CHEK2: variants seen among roughly 807,000 people sequenced by gnomAD.
CHEK2 encodes checkpoint kinase 2, also known as serine/threonine-protein kinase Chk2.
In CHEK2, 71 loss-of-function variants were observed where a neutral mutation model predicts 69.1. The observed-to-expected ratio is 1.03, with a 90% CI of 0.85 to 1.25. The LOEUF (loss-of-function observed/expected upper bound fraction) is 1.25, where lower values mean the gene tolerates loss of function less well. CHEK2 is among the 50% of genes most tolerant of loss of function. The probability of loss-of-function intolerance (pLI) is 0.00; values close to 1 mark genes in which losing one functional copy is unlikely to be tolerated. For synonymous variants in CHEK2, 189 were observed against 226.9 expected, an observed-to-expected ratio of 0.83 and a Z score of 1.50; for missense variants, 664 against 649.6, an observed-to-expected ratio of 1.02 and a Z score of -0.24.
At chr22:28,689,637 G>A (rs2052274124) in intron 13 of CHEK2, among the ~76,000 whole-genome samples, 1 of 152,152 alleles carries the variant, frequency 6.6e-6, no homozygotes, top group African/African-American at 2.4e-5. Flanking sequence ...CACCCAGACT[G>A]TCCTAACAAC....
intron 2 of CHEK2, among the ~76,000 whole-genome samples, chr22:28,725,908 C>CAA (rs34005683): frequency 9.0e-4 from 129 of 142,830 alleles, no homozygotes; most frequent in Middle Eastern, 3.6e-3. Context: ...GACCCAGTTT[C>CAA]AAAAAAAAAA....
intron 1 of CHEK2, among the ~76,000 whole-genome samples, chr22:28,740,953 C>T (rs1258368972): frequency 3.3e-5 from 5 of 151,872 alleles, no homozygotes; most frequent in Non-Finnish European, 7.4e-5. Flanking sequence ...GTCAGGAGTT[C>T]GGGATCAGCC....
Position 28,695,738 on chromosome 22 carries a change from A to T in CHEK2, c.1231T>A (p.Trp411Arg), listed in dbSNP as rs587780172. The T allele has an allele frequency of 6.2e-7, 1 of 1,613,876 alleles. No individual in the cohort carries two copies. The highest frequency in any genetic ancestry group is 8.5e-7 in the Non-Finnish European group (1 of 1,179,750). The change falls in exon 11 of 15, where the codon TGG (tryptophan) becomes AGG (arginine). Residue 411 changes from tryptophan (W) to arginine (R), a missense_variant. Coordinates refer to ENST00000404276, the MANE Select transcript of CHEK2 (RefSeq NM_007194.4). ...ATAAAAAGAATAACTCCTAAACTCC[A>T]GCAGTCCACAGCACGGTTATACCCA... ...TAGYNRAVDC[W>R]SLGVILFICL...
chr22:28,703,653 C>G (rs1601753652), intron 7 of CHEK2, 87 bp from the exon 8 acceptor site: 2 of 848,606 alleles, frequency 2.4e-6, no homozygotes, highest in East Asian at 5.3e-5. Context: ...CCCAGAGGGA[C>G]AGGGAGGCCA....
At chr22:28,731,743 G>A (rs533319310) in intron 2 of CHEK2, among the ~76,000 whole-genome samples, 1 of 152,076 alleles carries the variant, frequency 6.6e-6, no homozygotes, top group East Asian at 1.9e-4. Flanking sequence ...TGCCCAGCAG[G>A]TCTCAAACTC....
chr22:28,727,690 G>C (rs1445059792), intron 2 of CHEK2, among the ~76,000 whole-genome samples: 1 of 152,134 alleles, frequency 6.6e-6, no homozygotes, highest in African/African-American at 2.4e-5. Context: ...AGAAAAATAG[G>C]TAAAGGATAT....
intron 5 of CHEK2, among the ~76,000 whole-genome samples, chr22:28,716,156 A>C (rs1269320286): frequency 6.6e-6 from 1 of 151,448 alleles, no homozygotes; most frequent in Non-Finnish European, 1.5e-5. Context: ...TACAGGCATG[A>C]GCCACCATAC....
chr22:28,692,123 A>G (rs2052389360), intron 13 of CHEK2, among the ~76,000 whole-genome samples: 1 of 152,226 alleles, frequency 6.6e-6, no homozygotes, highest in African/African-American at 2.4e-5. Flanking sequence ...AAAGTACAAG[A>G]AAGATAGGCT....
chr22:28,741,006 C>T (rs1364086209), intron 1 of CHEK2, among the ~76,000 whole-genome samples: 2 of 151,668 alleles, frequency 1.3e-5, no homozygotes, highest in Non-Finnish European at 2.9e-5. Flanking sequence ...AAATACTAGC[C>T]GGGCATGGTG....
At chr22:28,728,974 C>CA (rs66909343) in intron 2 of CHEK2, among the ~76,000 whole-genome samples, 143,105 of 151,568 alleles carry the variant, frequency 0.94, 67,647 homozygotes, top group East Asian at 1. Flanking sequence ...GACCCTGTCT[C>CA]AAAAAAAAGA....
At chr22:28,734,376 G>T (rs762260639) in intron 2 of CHEK2, 27 bp downstream of exon 2, 1 of 1,606,030 alleles carries the variant, frequency 6.2e-7, no homozygotes, top group Non-Finnish European at 8.5e-7. Flanking sequence ...TGAACAAAAC[G>T]TGATACTATA....
chr22:28,716,792 A>G (rs980690147), intron 5 of CHEK2, among the ~76,000 whole-genome samples: 1 of 152,210 alleles, frequency 6.6e-6, no homozygotes, highest in Non-Finnish European at 1.5e-5. Flanking sequence ...ATGGTTCTCA[A>G]AGTATGATTG....
At chr22:28,731,020 G>A (rs539741667) in intron 2 of CHEK2, among the ~76,000 whole-genome samples, 9 of 152,054 alleles carry the variant, frequency 5.9e-5, no homozygotes, top group Non-Finnish European at 1.0e-4. Context: ...ACTGCAACAT[G>A]ATGAAACCCC....
chr22:28,697,256 AAATG>A (rs2052628114), intron 9 of CHEK2, among the ~76,000 whole-genome samples: 1 of 152,216 alleles, frequency 6.6e-6, no homozygotes, highest in Non-Finnish European at 1.5e-5. Context: ...CACACAGCAG[AAATG>A]TAAGGTGTCA....
intron 14 of CHEK2, among the ~76,000 whole-genome samples, chr22:28,688,423 C>T (rs1177247992): frequency 6.6e-6 from 1 of 152,246 alleles, no homozygotes; most frequent in East Asian, 1.9e-4. Flanking sequence ...AATCCCAGCA[C>T]TTTGGAAAGC....
chr22:28,727,041 C>T (rs2054035263), intron 2 of CHEK2, among the ~76,000 whole-genome samples: 1 of 151,896 alleles, frequency 6.6e-6, no homozygotes, highest in African/African-American at 2.4e-5. Flanking sequence ...TATCATCTCC[C>T]ACTCAGCTTT....
intron 8 of CHEK2, 63 bp from the exon 9 acceptor site, chr22:28,700,000 A>G (rs2052775819): frequency 9.2e-7 from 1 of 1,084,858 alleles, no homozygotes; most frequent in East Asian, 2.4e-5. Context: ...GACAGAAGAC[A>G]ATAAAACAAC....
chr22:28,734,586 T>A lies in CHEK2; in HGVS notation c.136A>T (p.Met46Leu), dbSNP rs1601852941. The A allele has an allele frequency of 1.9e-6, 3 of 1,613,760 alleles. No homozygotes were observed. Among genetic ancestry groups the A allele is most frequent in the Non-Finnish European group, 2.5e-6 (3 of 1,180,002 alleles). The change falls in exon 2 of 15, where the codon ATG becomes TTG. Residue 46 changes from methionine to leucine, a missense_variant. Transcript: ENST00000404276. Reference protein sequence around the residue: ...QGISSSSTSTMPNSSQSSHSS... With the variant: ...QGISSSSTSTLPNSSQSSHSS... ...TGAGAGGACTGGCTGGAGTTTGGCA[T>A]CGTGCTGGTAGAGGAGCTGGATATG...
intron 2 of CHEK2, among the ~76,000 whole-genome samples, chr22:28,727,137 G>A (rs1319152220): frequency 6.6e-6 from 1 of 152,088 alleles, no homozygotes; most frequent in African/African-American, 2.4e-5. Flanking sequence ...CACCTCCCAG[G>A]TTCAAGCGAT....
Sources: gnomAD v4.1 joint callset for allele counts (sites outside exome capture counted in the v4.1 genomes callset) on GRCh38, gnomAD v4.1.1 for gene constraint, MANE v1.5 for transcripts, NCBI Gene and HGNC (gene_info 2026-07-23, HGNC 2026-07-21) for gene names.